The following UNC5C variants were observed in gnomAD, a reference collection of about 807,000 sequenced individuals.
UNC5C encodes the protein netrin receptor UNC5C.
UNC5C carries 47 observed loss-of-function variants against 99.8 expected under a neutral mutation model. That is an observed-to-expected ratio of 0.47 (90% confidence interval 0.37 to 0.60). The LOEUF (loss-of-function observed/expected upper bound fraction) is 0.60, where lower values mean the gene tolerates loss of function less well. UNC5C is among the 20% of genes least tolerant of loss of function. The probability of loss-of-function intolerance (pLI) is 0.00; values close to 1 mark genes in which losing one functional copy is unlikely to be tolerated. For synonymous variants in UNC5C, 487 were observed against 452.2 expected (o/e 1.08, Z -0.98); for missense variants, 1,062 against 1,165.9 (o/e 0.91, Z 1.30).
chr4:95,467,481 A>T (rs1348805814), intron 1 of UNC5C, among the ~76,000 whole-genome samples: 1 of 152,176 alleles, frequency 6.6e-6, no homozygotes, highest in Non-Finnish European at 1.5e-5. Context: ...TTCTTTTCAC[A>T]TTATCACTGG....
intron 1 of UNC5C, among the ~76,000 whole-genome samples, chr4:95,482,069 G>A (rs1167098140): frequency 1.3e-5 from 2 of 151,994 alleles, no homozygotes; most frequent in East Asian, 1.9e-4. Context: ...GAGTGAACAG[G>A]CAACCTACAA....
chr4:95,266,607 G>GT (rs1740456999), intron 4 of UNC5C, among the ~76,000 whole-genome samples: 1 of 152,116 alleles, frequency 6.6e-6, no homozygotes. Flanking sequence ...ATAATAGTCA[G>GT]AACCATTGGC....
At chr4:95,448,371 T>C (rs981525048) in intron 1 of UNC5C, among the ~76,000 whole-genome samples, 1 of 151,978 alleles carries the variant, frequency 6.6e-6, no homozygotes, top group Non-Finnish European at 1.5e-5. Flanking sequence ...AGGCAACCCA[T>C]ACGACCCCTC....
chr4:95,463,590 A>G (rs1210065547), intron 1 of UNC5C, among the ~76,000 whole-genome samples: 1 of 152,194 alleles, frequency 6.6e-6, no homozygotes, highest in African/African-American at 2.4e-5. Context: ...GCTTTAGTTA[A>G]CATGACTTGT....
intron 1 of UNC5C, among the ~76,000 whole-genome samples, chr4:95,540,535 GA>G (rs1722892953): frequency 6.6e-6 from 1 of 152,132 alleles, no homozygotes; most frequent in Non-Finnish European, 1.5e-5. Flanking sequence ...TCATCTTACA[GA>G]GGAGATCCAG....
At chr4:95,252,983 A>G (rs76073779) in intron 4 of UNC5C, among the ~76,000 whole-genome samples, 158 of 152,348 alleles carry the variant, frequency 1.0e-3, no homozygotes, top group Non-Finnish European at 1.7e-3. Context: ...AATGAATTTC[A>G]TGTTTGAACT....
chr4:95,380,943 C>T (rs936353937), intron 1 of UNC5C, among the ~76,000 whole-genome samples: 1 of 152,012 alleles, frequency 6.6e-6, no homozygotes. Flanking sequence ...TTTACCATAC[C>T]AATTTAAAAC....
At chr4:95,285,963 A>C (rs1741220380) in intron 3 of UNC5C, among the ~76,000 whole-genome samples, 1 of 152,134 alleles carries the variant, frequency 6.6e-6, no homozygotes, top group Non-Finnish European at 1.5e-5. Context: ...CTACCACTTG[A>C]CTATCCATTT....
intron 1 of UNC5C, among the ~76,000 whole-genome samples, chr4:95,458,455 T>C (rs1278104497): frequency 2.6e-5 from 4 of 152,064 alleles, no homozygotes; most frequent in African/African-American, 4.8e-5. Flanking sequence ...CTGACAAATA[T>C]ATAGTTTCAG....
intron 10 of UNC5C, among the ~76,000 whole-genome samples, chr4:95,212,733 A>G (rs919987937): frequency 1.3e-5 from 2 of 152,154 alleles, no homozygotes; most frequent in Admixed American, 1.3e-4. Flanking sequence ...CCCTGGAGCC[A>G]CTGCTGCTTC....
chr4:95,483,678 G>GTTCC (rs1284575259), intron 1 of UNC5C, among the ~76,000 whole-genome samples: 2 of 151,768 alleles, frequency 1.3e-5, no homozygotes. Flanking sequence ...GACCTGAAGG[G>GTTCC]TTCCCTCTCC....
intron 1 of UNC5C, among the ~76,000 whole-genome samples, chr4:95,470,474 A>T (rs993757157): frequency 1.3e-5 from 2 of 152,102 alleles, no homozygotes; most frequent in Non-Finnish European, 2.9e-5. Context: ...TGGGAAGGAG[A>T]TAGGGACTGT....
At chr4:95,421,677 T>G (rs1560826724) in intron 1 of UNC5C, among the ~76,000 whole-genome samples, 1 of 150,982 alleles carries the variant, frequency 6.6e-6, no homozygotes, top group Non-Finnish European at 1.5e-5. Flanking sequence ...CTCATCAGAT[T>G]ATGAAATATA....
intron 3 of UNC5C, among the ~76,000 whole-genome samples, chr4:95,285,838 G>C (rs552359782): frequency 6.6e-6 from 1 of 152,252 alleles, no homozygotes; most frequent in Non-Finnish European, 1.5e-5. Context: ...AGTGGATCAT[G>C]ATATCAACCT....
intron 1 of UNC5C, among the ~76,000 whole-genome samples, chr4:95,514,661 A>T (rs1436422732): frequency 1.3e-5 from 2 of 148,800 alleles, no homozygotes; most frequent in Non-Finnish European, 3.0e-5. Flanking sequence ...ATATATATAC[A>T]TATATACACA....
chr4:95,390,677 C>T (rs906753031), intron 1 of UNC5C, among the ~76,000 whole-genome samples: 1 of 152,138 alleles, frequency 6.6e-6, no homozygotes, highest in East Asian at 1.9e-4. Context: ...TTACATAATG[C>T]TTTACATTTT....
At chr4:95,477,777 C>T (rs1418127368) in intron 1 of UNC5C, among the ~76,000 whole-genome samples, 1 of 151,896 alleles carries the variant, frequency 6.6e-6, no homozygotes, top group South Asian at 2.1e-4. Context: ...ACACAGATGC[C>T]TTTAGTTGTT....
intron 4 of UNC5C, among the ~76,000 whole-genome samples, chr4:95,267,272 T>A (rs1740484058): frequency 6.6e-6 from 1 of 152,190 alleles, no homozygotes; most frequent in Non-Finnish European, 1.5e-5. Flanking sequence ...GTGATTCATA[T>A]ATTTGGGGGT....
chr4:95,310,246 T>C (rs1443032731), intron 2 of UNC5C, among the ~76,000 whole-genome samples: 1 of 152,062 alleles, frequency 6.6e-6, no homozygotes, highest in African/African-American at 2.4e-5. Context: ...GGTGAAACCA[T>C]AGAAGCAGAG....
Sources: gnomAD v4.1 joint callset for allele counts (sites outside exome capture counted in the v4.1 genomes callset) on GRCh38, gnomAD v4.1.1 for gene constraint, MANE v1.5 for transcripts, NCBI Gene and HGNC (gene_info 2026-07-23, HGNC 2026-07-21) for gene names.